The following SULT1C2 variants were observed in gnomAD, a reference collection of about 807,000 sequenced individuals.
SULT1C2 encodes sulfotransferase 1C2.
In SULT1C2, 27 loss-of-function variants were observed where a neutral mutation model predicts 36.0. That is an observed-to-expected ratio of 0.75 (90% CI 0.55 to 1.03). SULT1C2 has a LOEUF of 1.03. Among genes scored for constraint, SULT1C2 ranks in the 50% least tolerant of loss-of-function variants. The pLI, the probability that SULT1C2 is intolerant of heterozygous loss-of-function variation, is 0.00. For missense variants in SULT1C2, 395 were observed against 359.2 expected (o/e 1.10, Z -0.80); for synonymous variants, 121 against 116.0 (o/e 1.04, Z -0.27).
intron 3 of SULT1C2, among the ~76,000 whole-genome samples, chr2:108,295,024 A>C (rs545142618): frequency 1.3e-5 from 2 of 152,214 alleles, no homozygotes; most frequent in Non-Finnish European, 2.9e-5. Context: ...ATGTGATAGA[A>C]AGCTGGGAGC....
intron 1 of SULT1C2, among the ~76,000 whole-genome samples, chr2:108,293,143 C>T (rs1408775441): frequency 7.7e-6 from 1 of 129,038 alleles, no homozygotes; most frequent in Non-Finnish European, 1.5e-5. Flanking sequence ...CATGCCATTG[C>T]ACTCCAGCCT....
chr2:108,308,653 T>G lies in SULT1C2; in HGVS notation c.*189T>G, dbSNP rs1677082059. The stretch of plus-strand genomic sequence containing the variant: ...AAAAAGGATCACGTCTAATGCCCAT[T>G]TTCCCAACTATTCTTTCCAAAGTAA... On this transcript the variant is annotated 3_prime_UTR_variant, in exon 8 of 8. Transcript: ENST00000251481. The G allele has an allele frequency of 2.0e-6, 1 of 512,550 alleles. No individual in the cohort carries two copies. The highest frequency in any genetic ancestry group is 3.8e-5 in the Admixed American group (1 of 26,580). 31.8% of individuals were successfully genotyped at this position (512,550 alleles called of 1,614,324 possible). A position where few individuals can be genotyped will look rare whatever the true frequency, so the allele number is the denominator to read the frequency against.
rs1047311 is a variant in SULT1C2 at position 108,309,296 on chromosome 2, G to A, written c.*832G>A. On this transcript the variant is annotated 3_prime_UTR_variant, in exon 8 of 8. Transcript: ENST00000251481. ...TATTTGTCCCAGTTGCAGCCCTGTT[G>A]TTATGTATTTACTCTTCAATTTCTT... The A allele has an allele frequency of 3.3e-5, 5 of 151,606 alleles. No homozygotes were observed. Among genetic ancestry groups the A allele is most frequent in the African/African-American group, 1.2e-4 (5 of 41,406 alleles). 9.4% of individuals were successfully genotyped at this position (151,606 alleles called of 1,614,324 possible). A position where few individuals can be genotyped will look rare whatever the true frequency, so the allele number is the denominator to read the frequency against.
intron 7 of SULT1C2, among the ~76,000 whole-genome samples, chr2:108,305,945 G>A (rs1235045015): frequency 6.6e-6 from 1 of 152,220 alleles, no homozygotes; most frequent in African/African-American, 2.4e-5. Context: ...TCAGGGTCCA[G>A]GACTCAGCAG....
At chr2:108,308,176 C>A (rs1354988623) in intron 7 of SULT1C2, among the ~76,000 whole-genome samples, 176 bp from the exon 8 acceptor site, 1 of 152,132 alleles carries the variant, frequency 6.6e-6, no homozygotes, top group Non-Finnish European at 1.5e-5. Context: ...GCACAGAGTC[C>A]CCTAGGCCTG....
intron 7 of SULT1C2, 28 bp downstream of exon 7, chr2:108,305,623 C>A: frequency 6.2e-7 from 1 of 1,613,018 alleles, no homozygotes; most frequent in South Asian, 1.1e-5. Context: ...ATCATACATT[C>A]AGATTGTCTC....
chr2:108,308,297 G>T (rs1279901859), intron 7 of SULT1C2, 55 bp from the exon 8 acceptor site: 197 of 1,520,548 alleles, frequency 1.3e-4, no homozygotes, highest in Non-Finnish European at 1.2e-5. Flanking sequence ...CTTTACTCAG[G>T]GACACCACAT....
intron 3 of SULT1C2, among the ~76,000 whole-genome samples, chr2:108,297,254 G>T (rs1389593513): frequency 6.6e-6 from 1 of 152,134 alleles, no homozygotes; most frequent in Non-Finnish European, 1.5e-5. Context: ...AGGGCTACTG[G>T]CAGGGTGAGG....
In SULT1C2 at chr2:108,305,805, C is replaced by A. The variant is rs1337146894; in HGVS notation, c.778+210C>A. 4.9e-6 allele frequency: 3 copies of A among 616,438 alleles called. No individual in the cohort carries two copies. The Admixed American group carries it at 9.0e-5, about 19-fold the overall frequency. The allele number at this position is 616,438 out of a possible 1,614,324, so 38.2% of individuals were successfully genotyped here. Reference sequence around the variant, plus strand: ...TATTTGGTTGCAAGGAACAGAGAGTCCCTCAAGCTAGCCCCAAAGAAAGGG... The same window carrying A: ...TATTTGGTTGCAAGGAACAGAGAGTACCTCAAGCTAGCCCCAAAGAAAGGG... On this transcript the variant is annotated intron_variant, in intron 7 of 7. Transcript: ENST00000251481.
intron 3 of SULT1C2, 116 bp from the exon 4 acceptor site, chr2:108,300,718 AAGTC>A: frequency 2.1e-6 from 3 of 1,440,672 alleles, no homozygotes; most frequent in Non-Finnish European, 2.8e-6. Flanking sequence ...TCCCAAAAGA[AAGTC>A]AAGAGACTAG....
At chr2:108,300,665 A>AT in intron 3 of SULT1C2, 173 bp from the exon 4 acceptor site, 4 of 1,158,680 alleles carry the variant, frequency 3.5e-6, no homozygotes, top group Non-Finnish European at 4.6e-6. Context: ...AAGCTGTGTG[A>AT]TTTTACAAAA....
At chr2:108,304,721 C>G (rs751895807) in intron 5 of SULT1C2, 21 bp downstream of exon 5, 5 of 1,596,586 alleles carry the variant, frequency 3.1e-6, no homozygotes, top group East Asian at 4.5e-5. Context: ...ATCCTTCACA[C>G]CCTTGCATTC....
At chr2:108,290,256 T>C (rs772111917) in intron 1 of SULT1C2, among the ~76,000 whole-genome samples, 3 of 152,162 alleles carry the variant, frequency 2.0e-5, no homozygotes, top group Non-Finnish European at 4.4e-5. Context: ...CTTTCCTCCA[T>C]GTGCACACAT....
chr2:108,301,060 A>G (rs1021152928), intron 4 of SULT1C2, 125 bp downstream of exon 4: 38 of 1,238,526 alleles, frequency 3.1e-5, no homozygotes, highest in Admixed American at 7.4e-5. Context: ...GCTTACCAGC[A>G]AAGAGAAAAC....
chr2:108,289,771 GGACTTCTCC>G (rs1356126951), intron 1 of SULT1C2, among the ~76,000 whole-genome samples: 1 of 152,140 alleles, frequency 6.6e-6, no homozygotes, highest in East Asian at 1.9e-4. Flanking sequence ...GAAGGACTTG[GGACTTCTCC>G]TGTGGGAACT....
At chr2:108,293,506 T>G in intron 1 of SULT1C2, 141 bp from the exon 2 acceptor site, 1 of 711,492 alleles carries the variant, frequency 1.4e-6, no homozygotes, top group South Asian at 4.1e-5. Flanking sequence ...CTAGAAAAGA[T>G]GGTTATAATG....
At chr2:108,306,433 C>T (rs932850564) in intron 7 of SULT1C2, among the ~76,000 whole-genome samples, 1 of 99,792 alleles carries the variant, frequency 1.0e-5, no homozygotes, top group Admixed American at 1.2e-4. Context: ...AGCAAGACCC[C>T]ATCTCTACAA....
At chr2:108,297,349 G>A (rs1164668746) in intron 3 of SULT1C2, among the ~76,000 whole-genome samples, 1 of 152,166 alleles carries the variant, frequency 6.6e-6, no homozygotes. Flanking sequence ...TCTGTCTCCT[G>A]CCAGACTGCA....
At position 108,308,511 on chromosome 2, in the gene SULT1C2, C is replaced by T. The variant is rs369719305; in HGVS notation, c.*47C>T. On this transcript the variant is annotated 3_prime_UTR_variant, in exon 8 of 8. Transcript: ENST00000251481. ...AAGGTGGATGGCAAGAGTGCAAATA[C>T]TATCTTCAATCCTTCAGTCCCAGCC... is the stretch of plus-strand genomic sequence containing the variant. 120 of 1,489,926 alleles carry T rather than the reference C, an allele frequency of 8.1e-5. No homozygotes were observed. Among genetic ancestry groups the T allele is most frequent in the Middle Eastern group, 1.8e-4 (1 of 5,674 alleles). The allele number at this position is 1,489,926 out of a possible 1,614,324, so 92.3% of individuals were successfully genotyped here. A position where few individuals can be genotyped will look rare whatever the true frequency, so the allele number is the denominator to read the frequency against.
Sources: gnomAD v4.1 joint callset for allele counts (sites outside exome capture counted in the v4.1 genomes callset) on GRCh38, gnomAD v4.1.1 for gene constraint, MANE v1.5 for transcripts, NCBI Gene and HGNC (gene_info 2026-07-23, HGNC 2026-07-21) for gene names.